Variants in GXYLT1 observed in about 807,000 individuals in gnomAD.
The protein encoded by GXYLT1 is glucoside xylosyltransferase 1.
A neutral mutation model predicts 54.0 loss-of-function variants in GXYLT1; 29 were observed. That is an observed-to-expected ratio of 0.54 (90% CI 0.40 to 0.73). The LOEUF (loss-of-function observed/expected upper bound fraction) is 0.73, where lower values mean the gene tolerates loss of function less well. GXYLT1 is among the 30% of genes least tolerant of loss of function. The probability of loss-of-function intolerance (pLI) is 0.00; values close to 1 mark genes in which losing one functional copy is unlikely to be tolerated. For synonymous variants in GXYLT1, 176 were observed against 204.1 expected (o/e 0.86, Z 1.17); for missense variants, 490 against 553.4 (o/e 0.89, Z 1.15).
chr12:42,110,193 A>C (rs746265937), intron 3 of GXYLT1, among the ~76,000 whole-genome samples: 5 of 152,274 alleles, frequency 3.3e-5, no homozygotes, highest in Non-Finnish European at 5.9e-5. Context: ...ATACATAGCC[A>C]ATGCCAATTT....
chr12:42,111,803 C>T lies in GXYLT1; in HGVS notation c.487-2112G>A, dbSNP rs180845916. Among the ~76,000 whole-genome samples, 301 of 152,328 alleles carry T rather than the reference C, an allele frequency of 2.0e-3. 2 individuals carry two copies. The highest frequency in any genetic ancestry group is 6.2e-3 in the African/African-American group (257 of 41,574). On this transcript the variant is annotated intron_variant, in intron 3 of 7. Transcript: ENST00000398675. ...GAAGAGAGTAGTGGTTCTCCCAGCA[C>T]GCAGCTTCAGATGTGAGAACGGGCA...
chr12:42,139,168 A>C (rs1218647710), intron 1 of GXYLT1, among the ~76,000 whole-genome samples: 2 of 152,150 alleles, frequency 1.3e-5, no homozygotes, highest in East Asian at 3.8e-4. Flanking sequence ...ACTGTACTCC[A>C]GCTTGGGTAA....
chr12:42,085,881 A>G lies in GXYLT1; in HGVS notation c.*1905T>C, dbSNP rs1565562504. ...AAACAAAAAAATGACAAATGAAGCA[A>G]ACATGGTAAGATAGTGATAAGTGTC... On this transcript the variant is annotated 3_prime_UTR_variant, in exon 8 of 8. Coordinates refer to ENST00000398675, the MANE Select transcript of GXYLT1 (RefSeq NM_173601.2). The G allele has an allele frequency of 6.6e-6, 1 of 152,292 alleles. No homozygotes were observed. Among genetic ancestry groups the G allele is most frequent in the Non-Finnish European group, 1.5e-5 (1 of 68,058 alleles). The allele number at this position is 152,292 out of a possible 1,614,324, so 9.4% of individuals were successfully genotyped here. A position where few individuals can be genotyped will look rare whatever the true frequency, so the allele number is the denominator to read the frequency against.
chr12:42,087,665 GA>G lies in GXYLT1; in HGVS notation c.*120del, dbSNP rs1183749090. On this transcript the variant is annotated 3_prime_UTR_variant, in exon 8 of 8. Transcript: ENST00000398675. ...AATACTGCTTACTTAACTTCTTTAG[GA>G]AAAAAAAAATTATTCTGGAGATGAG... is the stretch of plus-strand genomic sequence containing the variant. 905 of 649,626 alleles carry G rather than the reference GA, an allele frequency of 1.4e-3. No homozygotes were observed. The highest frequency in any genetic ancestry group is 2.0e-3 in the South Asian group (86 of 43,760). 40.2% of individuals were successfully genotyped at this position (649,626 alleles called of 1,614,324 possible).
chr12:42,113,656 G>A (rs2065473592), intron 3 of GXYLT1, among the ~76,000 whole-genome samples: 1 of 150,838 alleles, frequency 6.6e-6, no homozygotes, highest in African/African-American at 2.5e-5. Context: ...CCTACAAAGA[G>A]ACTTAGACTC....
intron 2 of GXYLT1, among the ~76,000 whole-genome samples, chr12:42,128,061 G>A (rs1198476295): frequency 6.6e-6 from 1 of 152,196 alleles, no homozygotes; most frequent in Admixed American, 6.5e-5. Flanking sequence ...AGTTCTTACA[G>A]AGAGGAGAAT....
intron 3 of GXYLT1, among the ~76,000 whole-genome samples, chr12:42,117,850 T>C (rs1049522623): frequency 4.6e-5 from 7 of 152,236 alleles, no homozygotes; most frequent in African/African-American, 1.4e-4. Flanking sequence ...CAGCTAGGCA[T>C]GGTCATATGA....
chr12:42,090,063 T>C (rs1034365734), intron 7 of GXYLT1, among the ~76,000 whole-genome samples: 7 of 152,122 alleles, frequency 4.6e-5, no homozygotes, highest in Non-Finnish European at 1.0e-4. Context: ...TTTGTTTTCA[T>C]GTGATTCAAA....
chr12:42,136,178 A>G (rs892225834), intron 1 of GXYLT1, among the ~76,000 whole-genome samples: 1 of 152,240 alleles, frequency 6.6e-6, no homozygotes, highest in Admixed American at 6.5e-5. Context: ...AGAACTTATG[A>G]CATATCAGTG....
Position 42,119,032 on chromosome 12 carries a change from CA to C in GXYLT1, c.453del (p.Glu152LysfsTer28). Reference protein sequence around the residue: ...SIKPLQFHIFAEDQLHHSFKG... With the variant: ...SIKPLQFHIFXEDQLHHSFKG... ...TTAAAGCTATGATGTAGCTGATCTT[CA>C]GCAAAAATATGGAATTGAAGAGGTT... On this transcript the variant is annotated frameshift_variant, in exon 3 of 8. Coordinates refer to ENST00000398675, the MANE Select transcript of GXYLT1 (RefSeq NM_173601.2). LOFTEE classifies it high-confidence loss of function. 6.2e-7 allele frequency: 1 copy of C among 1,614,088 alleles called. No individual in the cohort carries two copies. Among genetic ancestry groups the C allele is most frequent in the Non-Finnish European group, 8.5e-7 (1 of 1,179,938 alleles).
At chr12:42,113,988 C>T (rs1210903799) in intron 3 of GXYLT1, among the ~76,000 whole-genome samples, 2 of 152,214 alleles carry the variant, frequency 1.3e-5, no homozygotes, top group Non-Finnish European at 2.9e-5. Context: ...CTCAAAACCA[C>T]TCAACTACAT....
intron 5 of GXYLT1, among the ~76,000 whole-genome samples, chr12:42,100,744 G>GA (rs2065385172): frequency 6.6e-6 from 1 of 152,006 alleles, no homozygotes; most frequent in African/African-American, 2.4e-5. Context: ...CATTGAGTAT[G>GA]TTAAGGAAAT....
In GXYLT1 at chr12:42,144,798, C is replaced by T. The variant is rs2065673374; in HGVS notation, c.-152G>A. The T allele has an allele frequency of 8.5e-6, 4 of 472,262 alleles. No individual in the cohort carries two copies. The highest frequency in any genetic ancestry group is 1.0e-4 in the South Asian group (2 of 19,726). The allele number at this position is 472,262 out of a possible 1,614,324, so 29.3% of individuals were successfully genotyped here. ...GCGCCCGCTCCCTTCCTTCCCTCCC[C>T]GCCCACCACCTAGGCGAGCGCAGTC... On this transcript the variant is annotated 5_prime_UTR_variant, in exon 1 of 8. Coordinates refer to ENST00000398675, the MANE Select transcript of GXYLT1 (RefSeq NM_173601.2).
At chr12:42,124,229 T>C (rs2065547691) in intron 2 of GXYLT1, among the ~76,000 whole-genome samples, 1 of 151,870 alleles carries the variant, frequency 6.6e-6, no homozygotes, top group African/African-American at 2.4e-5. Flanking sequence ...AATTCACAAA[T>C]CTAAAATCAA....
intron 4 of GXYLT1, among the ~76,000 whole-genome samples, chr12:42,108,988 T>C (rs1042053767): frequency 2.6e-5 from 4 of 152,094 alleles, no homozygotes; most frequent in African/African-American, 7.2e-5. Context: ...TTCAGAACAT[T>C]TGTATATAAA....
chr12:42,125,562 C>T (rs2065555844), intron 2 of GXYLT1, among the ~76,000 whole-genome samples: 2 of 151,988 alleles, frequency 1.3e-5, no homozygotes, highest in East Asian at 1.9e-4. Context: ...GTCTCAAAAG[C>T]CAGAGGCTAA....
chr12:42,144,686 C>CGCCGCCG lies in GXYLT1; in HGVS notation c.-41_-40insCGGCGGC. The stretch of plus-strand genomic sequence containing the variant: ...TCCTCCTTCGCCGCCGCCGCCGCGC[C>CGCCGCCG]CGCCCCGACGAACTGGAGCGGAGGG... On this transcript the variant is annotated 5_prime_UTR_variant, in exon 1 of 8. Coordinates refer to ENST00000398675, the MANE Select transcript of GXYLT1 (RefSeq NM_173601.2). The CGCCGCCG allele has an allele frequency of 7.3e-7, 1 of 1,372,122 alleles. No individual in the cohort carries two copies. The allele number at this position is 1,372,122 out of a possible 1,614,324, so 85.0% of individuals were successfully genotyped here.
Position 42,082,730 on chromosome 12 carries a change from T to A in GXYLT1, c.*5056A>T, listed in dbSNP as rs2065260907. 1 of 152,260 alleles carries A rather than the reference T, an allele frequency of 6.6e-6. No individual in the cohort carries two copies. Among genetic ancestry groups the A allele is most frequent in the Non-Finnish European group, 1.5e-5 (1 of 68,118 alleles). The allele number at this position is 152,260 out of a possible 1,614,324, so 9.4% of individuals were successfully genotyped here. ...CTTGGGCTCAAGCGATCCTCCTGCC[T>A]CGGCCTCCCAAAGTGCTGGGATTAC... On this transcript the variant is annotated 3_prime_UTR_variant, in exon 8 of 8. Transcript: ENST00000398675.
rs1300088651 is a variant in GXYLT1, at chr12:42,114,563, T to TC, written c.486+4436dup. 2.0e-5 allele frequency among the ~76,000 whole-genome samples: 3 copies of TC among 152,206 alleles called. No homozygotes were observed. In the East Asian group the frequency reaches 5.8e-4, roughly 29 times the overall value. On this transcript the variant is annotated intron_variant, in intron 3 of 7. Transcript: ENST00000398675. ...GATAAATTCCTCGACACATACATCC[T>TC]CCCAAGACTAAACCAGGAAGAAGTT...
Sources: gnomAD v4.1 joint callset for allele counts (sites outside exome capture counted in the v4.1 genomes callset) on GRCh38, gnomAD v4.1.1 for gene constraint, MANE v1.5 for transcripts, NCBI Gene and HGNC (gene_info 2026-07-23, HGNC 2026-07-21) for gene names.